The following CFAP299 variants were observed in gnomAD, a reference collection of about 807,000 sequenced individuals.
CFAP299 encodes the protein cilia- and flagella-associated protein 299.
Under a neutral mutation model 27.0 loss-of-function variants are expected in CFAP299, and 21 were observed. The ratio of observed to expected loss-of-function variants is 0.78; its 90% confidence interval spans 0.55 to 1.12. The LOEUF is 1.12. Ranked by LOEUF, CFAP299 falls within the 50% of genes most tolerant of loss-of-function variation. CFAP299 has a pLI of 0.00. For synonymous variants in CFAP299, 104 were observed against 98.1 expected (o/e 1.06, Z -0.36); for missense variants, 310 against 276.6 (o/e 1.12, Z -0.86).
chr4:80,343,834 T>C (rs1722596411), intron 1 of CFAP299, among the ~76,000 whole-genome samples: 1 of 135,754 alleles, frequency 7.4e-6, no homozygotes, highest in South Asian at 2.5e-4. Flanking sequence ...AACTCAAGAC[T>C]ATGAAATTCA....
intron 2 of CFAP299, among the ~76,000 whole-genome samples, chr4:80,513,549 A>G (rs1035852972): frequency 6.6e-6 from 1 of 152,142 alleles, no homozygotes; most frequent in Non-Finnish European, 1.5e-5. Context: ...ACTATTCAGT[A>G]GAGAAATGAA....
rs1560487323 is a variant in CFAP299 at position 80,944,842 on chromosome 4, G to A, written c.509G>A (p.Ser170Asn). ...FYNWDADIAV[S>N]NSSPNYQVIA... Reference sequence around the variant, plus strand: ...AACTGGGACGCTGATATTGCTGTTAGTAATTCAAGTCCCAACTATCAAGTG... The same window carrying A: ...AACTGGGACGCTGATATTGCTGTTAATAATTCAAGTCCCAACTATCAAGTG... Residue 170 changes from serine (S) to asparagine (N), a missense_variant, in exon 5 of 6, where the codon AGT (serine) becomes AAT (asparagine). Coordinates refer to ENST00000358105, the MANE Select transcript of CFAP299 (RefSeq NM_152770.3). 3 of 1,609,670 alleles carry A rather than the reference G, an allele frequency of 1.9e-6. No homozygotes were observed. The highest frequency in any genetic ancestry group is 2.2e-5 in the East Asian group (1 of 44,702).
Position 80,943,655 on chromosome 4 carries a change from T to TAAAA in CFAP299, c.477-1153_477-1150dup, listed in dbSNP as rs1445685364. ...TTTATTTTATATTTTATAAGATATG[T>TAAAA]AAAAATAAGTGTAAATATATTGAGG... is the stretch of plus-strand genomic sequence containing the variant. On this transcript the variant is annotated intron_variant, in intron 4 of 5. Coordinates refer to ENST00000358105, the MANE Select transcript of CFAP299 (RefSeq NM_152770.3). Among the ~76,000 whole-genome samples the TAAAA allele has an allele frequency of 5.3e-5, 8 of 152,244 alleles. No homozygotes were observed. In the East Asian group the frequency reaches 1.5e-3, roughly 29 times the overall value.
chr4:80,405,309 C>A (rs1726361664), intron 2 of CFAP299, among the ~76,000 whole-genome samples: 1 of 152,114 alleles, frequency 6.6e-6, no homozygotes, highest in Non-Finnish European at 1.5e-5. Context: ...ATGGGGATTA[C>A]AAAACTCTAA....
In CFAP299 at chr4:80,419,330, C is replaced by T. The variant is rs150769208; in HGVS notation, c.242+56446C>T. Among the ~76,000 whole-genome samples, 943 of 152,240 alleles carry T rather than the reference C, an allele frequency of 6.2e-3. 2 individuals are homozygous for T. The highest frequency in any genetic ancestry group is 0.024 in the Middle Eastern group (7 of 294). The stretch of plus-strand genomic sequence containing the variant: ...TCCCTTGGGGTGGGCTGTTCACATG[C>T]GCAGTGGCCTGCTAGTGCTTGGGAA... On this transcript the variant is annotated intron_variant, in intron 2 of 5. Transcript: ENST00000358105.
intron 3 of CFAP299, among the ~76,000 whole-genome samples, chr4:80,637,290 G>T (rs771129966): frequency 6.6e-6 from 1 of 152,120 alleles, no homozygotes; most frequent in Non-Finnish European, 1.5e-5. Flanking sequence ...TGTCAGCAAG[G>T]TATAATAGAT....
chr4:80,412,495 A>G (rs1234221715), intron 2 of CFAP299, among the ~76,000 whole-genome samples: 3 of 152,188 alleles, frequency 2.0e-5, no homozygotes, highest in Middle Eastern at 3.2e-3. Flanking sequence ...GTGCAGACAT[A>G]ACATATTCCA....
intron 2 of CFAP299, among the ~76,000 whole-genome samples, chr4:80,575,200 A>T (rs1040690400): frequency 1.3e-5 from 2 of 152,072 alleles, no homozygotes; most frequent in African/African-American, 2.4e-5. Flanking sequence ...TAAGTTATAC[A>T]TATCTATACA....
At chr4:80,516,419 C>G (rs900853196) in intron 2 of CFAP299, among the ~76,000 whole-genome samples, 4 of 152,176 alleles carry the variant, frequency 2.6e-5, no homozygotes, top group Non-Finnish European at 5.9e-5. Context: ...ACAAGGATGG[C>G]TCAAGCATCT....
intron 2 of CFAP299, among the ~76,000 whole-genome samples, chr4:80,492,101 G>GA (rs1731165759): frequency 6.6e-6 from 1 of 152,116 alleles, no homozygotes; most frequent in African/African-American, 2.4e-5. Context: ...TTGTCAACCA[G>GA]AAAATATTTA....
At chr4:80,503,580 G>A (rs1731845337) in intron 2 of CFAP299, among the ~76,000 whole-genome samples, 1 of 152,084 alleles carries the variant, frequency 6.6e-6, no homozygotes, top group Non-Finnish European at 1.5e-5. Context: ...TAACCTGTGT[G>A]ATCCTGTACA....
intron 2 of CFAP299, among the ~76,000 whole-genome samples, chr4:80,433,588 TA>T (rs1188620550): frequency 1.3e-5 from 2 of 152,288 alleles, no homozygotes; most frequent in South Asian, 2.1e-4. Flanking sequence ...TTAAATTACT[TA>T]AAAAATCAAA....
chr4:80,693,000 C>A (rs1351173191), intron 3 of CFAP299, among the ~76,000 whole-genome samples: 1 of 152,246 alleles, frequency 6.6e-6, no homozygotes, highest in South Asian at 2.1e-4. Flanking sequence ...CAATGAGATA[C>A]CATCTCACAC....
intron 2 of CFAP299, among the ~76,000 whole-genome samples, chr4:80,482,349 A>G (rs553125605): frequency 6.6e-6 from 1 of 152,244 alleles, no homozygotes; most frequent in East Asian, 1.9e-4. Flanking sequence ...AACATCACCC[A>G]TAAAGTATTC....
At chr4:80,392,654 C>A (rs779328329) in intron 2 of CFAP299, among the ~76,000 whole-genome samples, 1 of 152,050 alleles carries the variant, frequency 6.6e-6, no homozygotes, top group Admixed American at 6.5e-5. Context: ...AAGGCCTTCC[C>A]GGCCACGCTG....
At position 80,923,484 on chromosome 4, in the gene CFAP299, A is replaced by G. The variant is rs117791892; in HGVS notation, c.477-21326A>G. On this transcript the variant is annotated intron_variant, in intron 4 of 5. Coordinates refer to ENST00000358105, the MANE Select transcript of CFAP299 (RefSeq NM_152770.3). ...ACTACAAGGAAAAGTATTCTCAAAC[A>G]TGAAAATGACTAGTAGCCAACTGTA... Among the ~76,000 whole-genome samples the G allele has an allele frequency of 3.4e-4, 52 of 152,192 alleles. No individual in the cohort carries two copies. In the East Asian group the frequency reaches 9.7e-3, roughly 28 times the overall value.
At chr4:80,747,535 G>A (rs1347826695) in intron 3 of CFAP299, among the ~76,000 whole-genome samples, 1 of 151,916 alleles carries the variant, frequency 6.6e-6, no homozygotes, top group Non-Finnish European at 1.5e-5. Context: ...AAGACCTTGT[G>A]GTCAGCAACA....
intron 4 of CFAP299, chr4:80,872,120 C>A (rs2110169483): frequency 6.6e-6 from 1 of 152,116 alleles, no homozygotes; most frequent in East Asian, 1.9e-4. Flanking sequence ...TATCTATGTT[C>A]CTCTATTCCC....
chr4:80,868,903 CTCTGTG>C (rs1732905526), intron 3 of CFAP299, among the ~76,000 whole-genome samples: 3 of 131,892 alleles, frequency 2.3e-5, no homozygotes, highest in African/African-American at 3.3e-5. Context: ...GGGCTTCTCT[CTCTGTG>C]TGTGTGTGTG....
Sources: allele counts gnomAD v4.1 joint callset (sites outside exome capture counted in the v4.1 genomes callset), GRCh38; gene constraint gnomAD v4.1.1; transcripts MANE v1.5; gene names NCBI Gene and HGNC (gene_info 2026-07-23, HGNC 2026-07-21).